The following CSMD3 variants were observed in gnomAD, a reference collection of about 807,000 sequenced individuals.
CSMD3 encodes CUB and Sushi multiple domains 3.
A neutral mutation model predicts 435.2 loss-of-function variants in CSMD3; 177 were observed. The ratio of observed to expected loss-of-function variants is 0.41; its 90% CI spans 0.36 to 0.46. The LOEUF is 0.46. Among genes scored for constraint, CSMD3 ranks in the 20% least tolerant of loss-of-function variants. The pLI is 0.34. For missense variants in CSMD3, 4,265 were observed against 4,504.6 expected (o/e 0.95, Z 1.52); for synonymous variants, 1,656 against 1,520.5 (o/e 1.09, Z -2.07).
intron 13 of CSMD3, among the ~76,000 whole-genome samples, chr8:112,755,472 C>T (rs894690375): frequency 3.0e-4 from 46 of 151,626 alleles, no homozygotes; most frequent in African/African-American, 1.1e-3. Context: ...TGCACTTCTC[C>T]TTGCTGCCGC....
intron 2 of CSMD3, among the ~76,000 whole-genome samples, chr8:113,291,983 C>A (rs1309976660): frequency 6.6e-6 from 1 of 151,760 alleles, no homozygotes; most frequent in Non-Finnish European, 1.5e-5. Context: ...AGAATAATTG[C>A]ATAATGTTTT....
At chr8:112,769,763 C>T (rs1032238108) in intron 13 of CSMD3, among the ~76,000 whole-genome samples, 3 of 151,624 alleles carry the variant, frequency 2.0e-5, no homozygotes, top group Non-Finnish European at 2.9e-5. Flanking sequence ...TTTTGGCTAC[C>T]ATCAGAGTTA....
chr8:113,217,623 G>A (rs1338919993), intron 3 of CSMD3, among the ~76,000 whole-genome samples: 1 of 151,530 alleles, frequency 6.6e-6, no homozygotes, highest in Non-Finnish European at 1.5e-5. Context: ...AAAAATATAA[G>A]TGAATCTGAA....
At chr8:112,273,396 CTA>C (rs1240025444) in intron 59 of CSMD3, among the ~76,000 whole-genome samples, 1 of 152,010 alleles carries the variant, frequency 6.6e-6, no homozygotes, top group East Asian at 1.9e-4. Flanking sequence ...AACCTATGTG[CTA>C]TGTTAGCCAT....
chr8:112,502,840 G>T (rs1276219911), intron 30 of CSMD3, among the ~76,000 whole-genome samples: 2 of 152,102 alleles, frequency 1.3e-5, no homozygotes, highest in East Asian at 3.9e-4. Context: ...TCAGAAATCA[G>T]TTGATAACTT....
intron 9 of CSMD3, among the ~76,000 whole-genome samples, chr8:112,927,016 C>T (rs1255435498): frequency 6.6e-6 from 1 of 152,080 alleles, no homozygotes; most frequent in Non-Finnish European, 1.5e-5. Context: ...TATCTGCAAA[C>T]CATTTCTGTA....
intron 27 of CSMD3, among the ~76,000 whole-genome samples, chr8:112,521,753 G>T (rs961014097): frequency 6.6e-6 from 1 of 151,578 alleles, no homozygotes; most frequent in African/African-American, 2.4e-5. Context: ...ATATCTGGTA[G>T]GTTCCTTAAC....
At chr8:112,786,051 A>C (rs974858719) in intron 13 of CSMD3, among the ~76,000 whole-genome samples, 2 of 152,138 alleles carry the variant, frequency 1.3e-5, no homozygotes, top group African/African-American at 4.8e-5. Context: ...TAGTAACCAA[A>C]ACAGCATGGT....
intron 32 of CSMD3, among the ~76,000 whole-genome samples, chr8:112,455,391 T>C (rs911184974): frequency 6.6e-6 from 1 of 151,638 alleles, no homozygotes; most frequent in African/African-American, 2.4e-5. Context: ...GAGCAGTGGG[T>C]ACACATGGAC....
chr8:112,345,915 A>C (rs1825626791), intron 41 of CSMD3, among the ~76,000 whole-genome samples, 182 bp downstream of exon 41: 1 of 152,162 alleles, frequency 6.6e-6, no homozygotes, highest in African/African-American at 2.4e-5. Context: ...CTCCAAGTGA[A>C]ATGTATTTGA....
At chr8:112,580,883 G>C (rs976337561) in intron 23 of CSMD3, among the ~76,000 whole-genome samples, 1 of 151,972 alleles carries the variant, frequency 6.6e-6, no homozygotes, top group Non-Finnish European at 1.5e-5. Context: ...ACGTTGAATT[G>C]GCAAATACAG....
intron 27 of CSMD3, among the ~76,000 whole-genome samples, chr8:112,538,525 C>G (rs1432544981): frequency 6.6e-6 from 1 of 151,594 alleles, no homozygotes; most frequent in Non-Finnish European, 1.5e-5. Flanking sequence ...AATCAACATA[C>G]AAAACTCAGT....
intron 12 of CSMD3, among the ~76,000 whole-genome samples, chr8:112,828,087 T>G (rs2079753217): frequency 6.6e-6 from 1 of 152,212 alleles, no homozygotes; most frequent in African/African-American, 2.4e-5. Flanking sequence ...ATATGCAATT[T>G]TATATTATAA....
chr8:113,287,783 AT>A (rs1179430914), intron 2 of CSMD3, among the ~76,000 whole-genome samples: 1 of 151,954 alleles, frequency 6.6e-6, no homozygotes, highest in East Asian at 1.9e-4. Flanking sequence ...AAAAACAAGC[AT>A]TTGATTTTGC....
intron 35 of CSMD3, among the ~76,000 whole-genome samples, chr8:112,406,195 G>T (rs1831842532): frequency 6.6e-6 from 1 of 151,580 alleles, no homozygotes; most frequent in Admixed American, 6.6e-5. Flanking sequence ...AAAATAAAAG[G>T]ATAGTAGTCC....
rs549956595 is a variant in CSMD3, at chr8:112,965,464, G to C, written c.1342+10373C>G. Among the ~76,000 whole-genome samples, 41 of 151,856 alleles carry C rather than the reference G, an allele frequency of 2.7e-4. No individual in the cohort carries two copies. The South Asian group carries it at 7.9e-3, about 29-fold the overall frequency. On this transcript the variant is annotated intron_variant, in intron 7 of 70. Coordinates refer to ENST00000297405, the MANE Select transcript of CSMD3 (RefSeq NM_198123.2). ...GGTTACAGGTGAAAAAAACAAAGTG[G>C]CTGAAAATCTGAAAAAAATATATAG...
chr8:112,479,613 C>T (rs1586461686), intron 31 of CSMD3, among the ~76,000 whole-genome samples: 1 of 152,206 alleles, frequency 6.6e-6, no homozygotes, highest in Non-Finnish European at 1.5e-5. Flanking sequence ...TGGCTTCAGC[C>T]TTGGCTCAAA....
At chr8:112,537,681 AAT>A (rs1228713775) in intron 27 of CSMD3, among the ~76,000 whole-genome samples, 2 of 151,942 alleles carry the variant, frequency 1.3e-5, no homozygotes, top group Admixed American at 1.3e-4. Context: ...TCCATGAAGA[AAT>A]AGAAAACTTG....
At chr8:112,836,192 T>C (rs1477297866) in intron 11 of CSMD3, among the ~76,000 whole-genome samples, 2 of 151,818 alleles carry the variant, frequency 1.3e-5, no homozygotes, top group African/African-American at 2.4e-5. Flanking sequence ...TTAATGTAGA[T>C]AGAAAGTATG....
Sources: allele counts gnomAD v4.1 joint callset (sites outside exome capture counted in the v4.1 genomes callset), GRCh38; gene constraint gnomAD v4.1.1; transcripts MANE v1.5; gene names NCBI Gene and HGNC (gene_info 2026-07-23, HGNC 2026-07-21).